SCYL3: variants seen among roughly 807,000 people sequenced by gnomAD.
The protein encoded by SCYL3 is SCY1 like pseudokinase 3, also known as protein-associating with the carboxyl-terminal domain of ezrin.
Under a neutral mutation model 73.8 loss-of-function variants are expected in SCYL3, and 35 were observed. The ratio of observed to expected loss-of-function variants is 0.47; its 90% confidence interval spans 0.36 to 0.63. The LOEUF (loss-of-function observed/expected upper bound fraction) is 0.63, where lower values mean the gene tolerates loss of function less well. Among genes scored for constraint, SCYL3 ranks in the 20% least tolerant of loss-of-function variants. The pLI, the probability that SCYL3 is intolerant of heterozygous loss-of-function variation, is 0.00. For synonymous variants in SCYL3, 277 were observed against 295.2 expected (o/e 0.94, Z 0.63); for missense variants, 712 against 798.9 (o/e 0.89, Z 1.31).
chr1:169,868,615 A>G (rs1660195484), intron 7 of SCYL3, among the ~76,000 whole-genome samples: 1 of 152,212 alleles, frequency 6.6e-6, no homozygotes, highest in South Asian at 2.1e-4. Context: ...TTAACTTACA[A>G]CTGTAAACCA....
At position 169,881,701 on chromosome 1, in the gene SCYL3, T is replaced by C. The variant is rs115219445; in HGVS notation, c.166-2882A>G. On this transcript the variant is annotated intron_variant, in intron 2 of 12. Coordinates refer to ENST00000367771, the MANE Select transcript of SCYL3 (RefSeq NM_020423.7). ...TGAGATCTTGTGGTGTGTGTCTTTC[T>C]GTGCCTCATTTACATCACTTAACAC... Among the ~76,000 whole-genome samples, 747 of 152,348 alleles carry C rather than the reference T, an allele frequency of 4.9e-3. 4 individuals are homozygous for C. Among genetic ancestry groups the C allele is most frequent in the African/African-American group, 0.017 (694 of 41,578 alleles).
Position 169,852,986 on chromosome 1 carries a change from G to T in SCYL3, c.*727C>A. On this transcript the variant is annotated 3_prime_UTR_variant, in exon 13 of 13. Coordinates refer to ENST00000367771, the MANE Select transcript of SCYL3 (RefSeq NM_020423.7). ...AAACGTTACATACATACTCTAGGGT[G>T]AAACTTATCACTAGGCAGAACTGGG... 1 of 1,612,478 alleles carries T rather than the reference G, an allele frequency of 6.2e-7. No individual in the cohort carries two copies. Among genetic ancestry groups the T allele is most frequent in the Non-Finnish European group, 8.5e-7 (1 of 1,179,774 alleles).
In SCYL3 at chr1:169,851,891, CT is replaced by C; in HGVS notation, c.*1821del. On this transcript the variant is annotated 3_prime_UTR_variant, in exon 13 of 13. Transcript: ENST00000367771. ...AGGAAAAAGGTATTTTCTGGGAACC[CT>C]TTGCTAATGTGACTGTAGAAGAAGC... 1 of 1,613,998 alleles carries C rather than the reference CT, an allele frequency of 6.2e-7. No homozygotes were observed. Among genetic ancestry groups the C allele is most frequent in the Non-Finnish European group, 8.5e-7 (1 of 1,179,950 alleles).
intron 2 of SCYL3, among the ~76,000 whole-genome samples, chr1:169,885,138 G>T (rs1371084650): frequency 6.6e-6 from 1 of 152,180 alleles, no homozygotes; most frequent in Non-Finnish European, 1.5e-5. Context: ...CCCATTTACT[G>T]TCCTAGGTGA....
chr1:169,866,946 G>T lies in SCYL3; in HGVS notation c.765C>A (p.Phe255Leu). 1 of 1,591,210 alleles carries T rather than the reference G, an allele frequency of 6.3e-7. No individual in the cohort carries two copies. Among genetic ancestry groups the T allele is most frequent in the South Asian group, 1.1e-5 (1 of 87,918 alleles). ...CACTCTTCAATGTTAAACTTTTCAA[G>T]AAATTCACAACTTCCAGAAAATCAT... ...FRNDFLEVVN[F>L]LKSLTLKSEE... The change falls in exon 8 of 13, where the codon TTC becomes TTA. Residue 255 changes from phenylalanine to leucine, a missense_variant. By Grantham distance (22) the Phe-to-Leu change is conservative. Around this residue, in one of 2 missense-constraint regions of SCYL3, gnomAD observed 342 missense variants for 448.1 expected, o/e 0.76. Transcript: ENST00000367771.
intron 11 of SCYL3, among the ~76,000 whole-genome samples, chr1:169,857,162 A>G (rs961348939): frequency 6.6e-6 from 1 of 152,220 alleles, no homozygotes; most frequent in African/African-American, 2.4e-5. Flanking sequence ...TTTTTACCCC[A>G]TAGGCCAACA....
At chr1:169,890,986 C>A (rs1473550966) in intron 1 of SCYL3, among the ~76,000 whole-genome samples, 3 of 152,204 alleles carry the variant, frequency 2.0e-5, no homozygotes, top group African/African-American at 7.2e-5. Flanking sequence ...GATCTTGCCA[C>A]CTCTTCTTGG....
At chr1:169,853,882 C>T in intron 12 of SCYL3, 110 bp from the exon 13 acceptor site, 2 of 1,211,516 alleles carry the variant, frequency 1.7e-6, no homozygotes, top group Non-Finnish European at 2.4e-6. Context: ...ATGCCAGAAA[C>T]ACTACCTCGT....
chr1:169,873,000 A>G (rs1465671595), intron 5 of SCYL3, among the ~76,000 whole-genome samples: 4 of 152,074 alleles, frequency 2.6e-5, no homozygotes, highest in Non-Finnish European at 1.5e-5. Flanking sequence ...ATGAGTGAAG[A>G]CTTTGGGGGA....
At chr1:169,874,610 G>A (rs1365258909) in intron 4 of SCYL3, among the ~76,000 whole-genome samples, 2 of 152,168 alleles carry the variant, frequency 1.3e-5, no homozygotes, top group East Asian at 1.9e-4. Context: ...GGAACAAGAT[G>A]TAACCAGACT....
chr1:169,883,195 C>T (rs1366612606), intron 2 of SCYL3, among the ~76,000 whole-genome samples: 2 of 152,134 alleles, frequency 1.3e-5, no homozygotes, highest in Non-Finnish European at 2.9e-5. Context: ...CGAGGGTCCG[C>T]GGCTTCATTC....
In SCYL3 at chr1:169,855,924, CTG is replaced by C. The variant is rs750783696; in HGVS notation, c.1313-962_1313-961del. 5.0e-6 allele frequency: 8 copies of C among 1,613,630 alleles called. No individual in the cohort carries two copies. In the African/African-American group the frequency reaches 1.1e-4, roughly 22 times the overall value. ...GTTCTCCAAGATTGGCGAGATCTGACTGTGATGGCTGCAGACGACACACATAG... is the reference window on the plus strand; with the variant it reads ...GTTCTCCAAGATTGGCGAGATCTGACTGATGGCTGCAGACGACACACATAG... On this transcript the variant is annotated intron_variant, in intron 11 of 12. Coordinates refer to ENST00000367771, the MANE Select transcript of SCYL3 (RefSeq NM_020423.7).
At position 169,888,703 on chromosome 1, in the gene SCYL3, A is replaced by G. The variant is rs1249757707; in HGVS notation, c.138T>C (p.Asn46=). ...TGGCAGCTTTATTAACCTTGTCTTC[A>G]TTTTCTCTCTTATACACAAAAACTG... The part of the protein sequence containing the change: ...FASVFVYKRE[N]EDKVNKAAKH... Residue 46 remains asparagine, a synonymous_variant, in exon 2 of 13, where the codon AAT becomes AAC. Transcript: ENST00000367771. 1 of 1,613,884 alleles carries G rather than the reference A, an allele frequency of 6.2e-7. No individual in the cohort carries two copies. Among genetic ancestry groups the G allele is most frequent in the African/African-American group, 1.3e-5 (1 of 74,926 alleles).
At chr1:169,877,155 G>A (rs766693416) in intron 3 of SCYL3, among the ~76,000 whole-genome samples, 2 of 151,986 alleles carry the variant, frequency 1.3e-5, no homozygotes, top group Non-Finnish European at 2.9e-5. Flanking sequence ...AAGTTATTAT[G>A]TATGTATGTA....
At chr1:169,877,008 A>C (rs1179517336) in intron 3 of SCYL3, among the ~76,000 whole-genome samples, 1 of 151,262 alleles carries the variant, frequency 6.6e-6, no homozygotes, top group Non-Finnish European at 1.5e-5. Context: ...CACAGACCAC[A>C]AAAGAGCCCA....
chr1:169,861,712 T>C (rs930324752), intron 10 of SCYL3, among the ~76,000 whole-genome samples: 4 of 152,228 alleles, frequency 2.6e-5, no homozygotes, highest in African/African-American at 7.2e-5. Flanking sequence ...ATCTATCTCA[T>C]AGGAAAATTA....
chr1:169,852,527 T>G lies in SCYL3; in HGVS notation c.*1186A>C. The G allele has an allele frequency of 2.1e-6, 1 of 470,598 alleles. No homozygotes were observed. 29.2% of individuals were successfully genotyped at this position (470,598 alleles called of 1,614,324 possible). A position where few individuals can be genotyped will look rare whatever the true frequency, so the allele number is the denominator to read the frequency against. The stretch of plus-strand genomic sequence containing the variant: ...AGCTTGGACTATGCAGCACTTCTCA[T>G]TGGGAGCCCTTTGGGACAGGATACT... On this transcript the variant is annotated 3_prime_UTR_variant, in exon 13 of 13. Transcript: ENST00000367771.
At chr1:169,875,849 C>T (rs891500081) in intron 4 of SCYL3, 129 bp downstream of exon 4, 4 of 460,132 alleles carry the variant, frequency 8.7e-6, no homozygotes, top group Middle Eastern at 4.0e-4. Context: ...TAAATGAGGG[C>T]ACTGACAAAA....
rs762650982 is a variant in SCYL3 at position 169,851,871 on chromosome 1, A to G, written c.*1842T>C. 6.2e-7 allele frequency: 1 copy of G among 1,613,984 alleles called. No individual in the cohort carries two copies. Among genetic ancestry groups the G allele is most frequent in the Non-Finnish European group, 8.5e-7 (1 of 1,179,984 alleles). On this transcript the variant is annotated 3_prime_UTR_variant, in exon 13 of 13. Coordinates refer to ENST00000367771, the MANE Select transcript of SCYL3 (RefSeq NM_020423.7). ...CAAAGTGGAACGTGTGAAACAGGAA[A>G]AAGGTATTTTCTGGGAACCCTTTGC... is the stretch of plus-strand genomic sequence containing the variant.
Sources: allele counts gnomAD v4.1 joint callset (sites outside exome capture counted in the v4.1 genomes callset), GRCh38; gene constraint gnomAD v4.1.1; regional missense constraint gnomAD v4.1.1; transcripts MANE v1.5; gene names NCBI Gene and HGNC (gene_info 2026-07-23, HGNC 2026-07-21).